PLCH2: variants seen among roughly 807,000 people sequenced by gnomAD.
PLCH2 encodes 1-phosphatidylinositol 4,5-bisphosphate phosphodiesterase eta-2.
In PLCH2, 98 loss-of-function variants were observed where a neutral mutation model predicts 134.7. The observed-to-expected ratio is 0.73, with a 90% CI of 0.62 to 0.86. PLCH2 has a LOEUF of 0.86. Among genes scored for constraint, PLCH2 ranks in the 40% least tolerant of loss-of-function variants. The pLI is 0.00. For missense variants in PLCH2, 1,994 were observed against 1,986.6 expected (o/e 1.00, Z -0.07); for synonymous variants, 974 against 827.5 (o/e 1.18, Z -3.04).
chr1:2,458,267 A>G (rs556451439), intron 2 of PLCH2, among the ~76,000 whole-genome samples: 1 of 152,300 alleles, frequency 6.6e-6, no homozygotes, highest in East Asian at 1.9e-4. Context: ...TGAGGATGGG[A>G]CAAGGGTGTG....
At chr1:2,484,749 T>G in intron 5 of PLCH2, 131 bp downstream of exon 5, 1 of 988,552 alleles carries the variant, frequency 1.0e-6, no homozygotes, top group Non-Finnish European at 1.5e-6. Flanking sequence ...AGGGATGGGC[T>G]ACCTGGGCTC....
intron 5 of PLCH2, among the ~76,000 whole-genome samples, chr1:2,485,739 C>T (rs553145040): frequency 2.0e-5 from 3 of 152,230 alleles, no homozygotes; most frequent in South Asian, 4.2e-4. Context: ...GTCAGCCTCT[C>T]GGTGATGGTC....
chr1:2,459,618 C>T (rs1270498335), intron 2 of PLCH2, among the ~76,000 whole-genome samples: 2 of 105,644 alleles, frequency 1.9e-5, no homozygotes, highest in Middle Eastern at 4.6e-3. Context: ...TCCTCCTTGC[C>T]TGTGGTCCTC....
intron 1 of PLCH2, among the ~76,000 whole-genome samples, chr1:2,426,333 C>T (rs1252514875): frequency 1.3e-5 from 2 of 152,262 alleles, no homozygotes; most frequent in African/African-American, 2.4e-5. Context: ...CCAAGCACCC[C>T]GTTCTGATCT....
Position 2,502,165 on chromosome 1 carries a change from C to T in PLCH2, c.2715C>T (p.Gly905=), listed in dbSNP as rs1470162350. The change falls in exon 21 of 22, where the codon GGC becomes GGT. Residue 905 remains glycine (G), a synonymous_variant. Coordinates refer to ENST00000378486, the MANE Select transcript of PLCH2 (RefSeq NM_014638.4). The part of the protein sequence containing the change: ...KGLFLRGPKP[G]SLDSHAAGRP... ...TCTTCCTCCGAGGCCCAAAGCCCGG[C>T]TCGCTGGACAGTCATGCTGCTGGGC... The T allele has an allele frequency of 2.7e-6, 4 of 1,504,842 alleles. No homozygotes were observed. The African/African-American group carries it at 4.3e-5, about 16-fold the overall frequency. The allele number at this position is 1,504,842 out of a possible 1,614,324, so 93.2% of individuals were successfully genotyped here.
the PLCH2 span, among the ~76,000 whole-genome samples, chr1:2,418,494 C>T: frequency 6.6e-6 from 1 of 152,212 alleles, no homozygotes; most frequent in African/African-American, 2.4e-5. Flanking sequence ...GGCATTGGGC[C>T]CCACCCACTG....
intron 4 of PLCH2, among the ~76,000 whole-genome samples, chr1:2,481,369 A>G (rs1486185009): frequency 1.3e-5 from 2 of 152,212 alleles, no homozygotes; most frequent in African/African-American, 4.8e-5. Context: ...CAGGTGGCTG[A>G]GTCTGCATGT....
At chr1:2,478,038 G>C (rs1641734117) in intron 1 of PLCH2, among the ~76,000 whole-genome samples, 1 of 152,258 alleles carries the variant, frequency 6.6e-6, no homozygotes, top group Admixed American at 6.5e-5. Context: ...CATCTGTCTT[G>C]CCTCGTGCCC....
intron 4 of PLCH2, among the ~76,000 whole-genome samples, chr1:2,483,976 C>A (rs139827366): frequency 0.013 from 319 of 24,056 alleles, 139 homozygotes; most frequent in African/African-American, 0.016. Flanking sequence ...GGGGCGCTGA[C>A]TCCCGTGTGG....
Position 2,484,595 on chromosome 1 carries a change from C to T in PLCH2, c.793C>T (p.Arg265Cys), listed in dbSNP as rs751498315. ...KDHLDAASLQRFLQVEQKMAG... is the reference protein window; with the variant it reads ...KDHLDAASLQCFLQVEQKMAG... ...CCACCTGGATGCCGCCAGCCTGCAG[C>T]GCTTCCTGCAGGTGGAGCAGAAGGT... The change falls in exon 5 of 22, where the codon CGC becomes TGC. Residue 265 changes from arginine (R) to cysteine (C), a missense_variant. Transcript: ENST00000378486. 1.2e-6 allele frequency: 2 copies of T among 1,612,420 alleles called. No homozygotes were observed. The highest frequency in any genetic ancestry group is 2.2e-5 in the East Asian group (1 of 44,886).
intron 4 of PLCH2, among the ~76,000 whole-genome samples, chr1:2,482,706 T>C (rs936404672): frequency 6.6e-6 from 1 of 152,000 alleles, no homozygotes; most frequent in Non-Finnish European, 1.5e-5. Context: ...TCAGAGGGGA[T>C]CCCAGGGGAG....
At chr1:2,491,925 A>G (rs1237384455) in intron 11 of PLCH2, among the ~76,000 whole-genome samples, 1 of 151,268 alleles carries the variant, frequency 6.6e-6, no homozygotes, top group African/African-American at 2.4e-5. Context: ...ACCTCGAAGG[A>G]GCCAGGAGCT....
At chr1:2,469,604 C>T (rs1043378799) in intron 1 of PLCH2, among the ~76,000 whole-genome samples, 10 of 151,928 alleles carry the variant, frequency 6.6e-5, no homozygotes, top group Non-Finnish European at 8.8e-5. Flanking sequence ...GGGGCCCTCT[C>T]AGGGACCCAG....
At chr1:2,503,620 G>A (rs1192376209) in intron 21 of PLCH2, 1 of 695,738 alleles carries the variant, frequency 1.4e-6, no homozygotes, top group Non-Finnish European at 2.6e-6. Flanking sequence ...TCCGTAGTTA[G>A]GAACTGAGAG....
intron 9 of PLCH2, 34 bp from the exon 10 acceptor site, chr1:2,489,726 C>T: frequency 6.5e-7 from 1 of 1,527,018 alleles, no homozygotes; most frequent in Non-Finnish European, 9.1e-7. Flanking sequence ...GCATTTTCTC[C>T]AGGGCCCCTC....
At chr1:2,474,042 C>T (rs1641480930), upstream of PLCH2, among the ~76,000 whole-genome samples, 1 of 152,184 alleles carries the variant, frequency 6.6e-6, no homozygotes, top group South Asian at 2.1e-4. Flanking sequence ...CTTCGGCCTC[C>T]CTGTGGGCTT....
chr1:2,467,532 G>C (rs555242105), exon 1 of PLCH2: 1 of 398,428 alleles, frequency 2.5e-6, no homozygotes, highest in South Asian at 1.2e-4. Flanking sequence ...GCCCCTGCTC[G>C]GGCTGGGGCT....
chr1:2,438,175 G>A (rs1319325723), intron 2 of PLCH2, among the ~76,000 whole-genome samples: 3 of 152,260 alleles, frequency 2.0e-5, no homozygotes, highest in Non-Finnish European at 4.4e-5. Context: ...GTGCCTGTTG[G>A]CAGCCGTGGA....
chr1:2,503,087 C>T (rs1014994148), intron 21 of PLCH2: 37 of 698,620 alleles, frequency 5.3e-5, no homozygotes, highest in Non-Finnish European at 7.9e-5. Context: ...TGGCCCATAG[C>T]CCCAGCCCTC....
Sources: allele counts gnomAD v4.1 joint callset (sites outside exome capture counted in the v4.1 genomes callset), GRCh38; gene constraint gnomAD v4.1.1; transcripts MANE v1.5; gene names NCBI Gene and HGNC (gene_info 2026-07-23, HGNC 2026-07-21).